Variants in PLEKHG7 observed in about 807,000 individuals in gnomAD.
PLEKHG7 encodes the protein pleckstrin homology and RhoGEF domain containing G7, also known as pleckstrin homology domain-containing family G member 7.
PLEKHG7 carries 77 observed loss-of-function variants against 85.2 expected under a neutral mutation model. The ratio of observed to expected loss-of-function variants is 0.90; its 90% CI spans 0.75 to 1.09. PLEKHG7 has a LOEUF of 1.09. Ranked by LOEUF, PLEKHG7 falls within the 50% of genes least tolerant of loss-of-function variation. The pLI is 0.00. For missense variants in PLEKHG7, 777 were observed against 804.3 expected (o/e 0.97, Z 0.41); for synonymous variants, 301 against 302.4 (o/e 1.00, Z 0.05).
rs772158446 is a variant in PLEKHG7, at chr12:92,707,668, T to A, written c.526T>A (p.Ser176Thr). Residue 176 changes from serine to threonine, a missense_variant, in exon 3 of 17, where the codon TCC becomes ACC. Ser to Thr is a moderately conservative substitution (Grantham distance 58). Coordinates refer to ENST00000344636, the MANE Select transcript of PLEKHG7 (RefSeq NM_001377329.1). ...PSPQGEELHP[S>T]RFYEHRRSSV... is the part of the protein sequence containing the mutation. The stretch of plus-strand genomic sequence containing the variant: ...ATTTCAGGGAGAAGAATTGCACCCA[T>A]CCAGGTGTGTATGCATTTATTTTCT... 3 of 1,613,960 alleles carry A rather than the reference T, an allele frequency of 1.9e-6. No individual in the cohort carries two copies. The highest frequency in any genetic ancestry group is 2.5e-6 in the Non-Finnish European group (3 of 1,179,898).
chr12:92,751,022 C>T (rs1039704931), intron 10 of PLEKHG7, among the ~76,000 whole-genome samples: 2 of 152,122 alleles, frequency 1.3e-5, no homozygotes, highest in Non-Finnish European at 2.9e-5. Flanking sequence ...AAAGTACATA[C>T]ATTCATAAAG....
At chr12:92,757,716 C>T (rs1296888534) in intron 13 of PLEKHG7, among the ~76,000 whole-genome samples, 8 of 152,068 alleles carry the variant, frequency 5.3e-5, no homozygotes, top group Admixed American at 3.9e-4. Flanking sequence ...GGTAAATGAC[C>T]GAGTACCAGC....
At chr12:92,741,410 A>C in intron 8 of PLEKHG7, 81 bp from the exon 9 acceptor site, 1 of 835,300 alleles carries the variant, frequency 1.2e-6, no homozygotes. Flanking sequence ...ACCTGTAAGA[A>C]TGATACTTGA....
At chr12:92,755,419 A>C (rs969201494) in intron 11 of PLEKHG7, among the ~76,000 whole-genome samples, 6 of 152,234 alleles carry the variant, frequency 3.9e-5, no homozygotes, top group African/African-American at 1.4e-4. Context: ...AATAATCACC[A>C]TGATCATGAA....
chr12:92,724,249 A>G (rs1487058168), intron 3 of PLEKHG7, among the ~76,000 whole-genome samples: 2 of 152,184 alleles, frequency 1.3e-5, no homozygotes, highest in Non-Finnish European at 2.9e-5. Flanking sequence ...TGTATGCAAT[A>G]TGATGAAGGT....
rs564022723 is a variant in PLEKHG7, at chr12:92,705,491, T to G, written c.-161-980T>G. On this transcript the variant is annotated intron_variant, in intron 1 of 16. Transcript: ENST00000344636. Reference sequence around the variant, plus strand: ...ATGTGGGCAAAGGGTTTCAGATTGCTGAGTTCTGCTTTAGAATGATAAACT... The same window carrying G: ...ATGTGGGCAAAGGGTTTCAGATTGCGGAGTTCTGCTTTAGAATGATAAACT... 2.8e-4 allele frequency among the ~76,000 whole-genome samples: 42 copies of G among 152,396 alleles called. 1 individual carries two copies. The South Asian group carries it at 7.7e-3, about 28-fold the overall frequency.
chr12:92,763,743 TAGG>T (rs1873103137), intron 14 of PLEKHG7, among the ~76,000 whole-genome samples: 1 of 152,034 alleles, frequency 6.6e-6, no homozygotes, highest in Non-Finnish European at 1.5e-5. Context: ...CACTTGAGTG[TAGG>T]AGGTTGACAC....
At chr12:92,709,598 A>T (rs913144930) in intron 3 of PLEKHG7, among the ~76,000 whole-genome samples, 1 of 152,256 alleles carries the variant, frequency 6.6e-6, no homozygotes, top group African/African-American at 2.4e-5. Context: ...GTCTGGGTCC[A>T]GCTCTGATTA....
chr12:92,710,864 G>A (rs1231431755), intron 3 of PLEKHG7, among the ~76,000 whole-genome samples: 3 of 152,152 alleles, frequency 2.0e-5, no homozygotes, highest in South Asian at 2.1e-4. Context: ...TCCACAGAAC[G>A]GGTCATCCTA....
At chr12:92,716,926 A>G (rs1007708574) in intron 3 of PLEKHG7, among the ~76,000 whole-genome samples, 1 of 152,220 alleles carries the variant, frequency 6.6e-6, no homozygotes, top group Non-Finnish European at 1.5e-5. Context: ...TTCTTGGATT[A>G]CCGTTCCACT....
chr12:92,707,552 C>A, intron 2 of PLEKHG7, 98 bp from the exon 3 acceptor site: 1 of 1,538,380 alleles, frequency 6.5e-7, no homozygotes, highest in Non-Finnish European at 8.8e-7. Context: ...CATGTTTTAA[C>A]TAGGAGGGCT....
chr12:92,715,187 G>A (rs7313241), intron 3 of PLEKHG7, among the ~76,000 whole-genome samples: 8,172 of 152,220 alleles, frequency 0.054, 741 homozygotes, highest in African/African-American at 0.18. Context: ...TCCAATGTTC[G>A]AGGGCAGGAA....
chr12:92,739,063 AAAC>A (rs1436701870), intron 7 of PLEKHG7, among the ~76,000 whole-genome samples: 3 of 152,148 alleles, frequency 2.0e-5, no homozygotes, highest in East Asian at 1.9e-4. Context: ...AAACAAAACA[AAAC>A]AACATTTCTT....
At chr12:92,706,450 G>T in intron 1 of PLEKHG7, 21 bp from the exon 2 acceptor site, 1 of 657,654 alleles carries the variant, frequency 1.5e-6, no homozygotes, top group Non-Finnish European at 2.4e-6. Context: ...ATATTTCACA[G>T]TCTGCTCTTC....
intron 13 of PLEKHG7, 92 bp from the exon 14 acceptor site, chr12:92,761,658 GAA>G (rs1177754027): frequency 7.7e-7 from 1 of 1,301,480 alleles, no homozygotes; most frequent in South Asian, 1.9e-5. Context: ...AAGAAAGAAA[GAA>G]AGAAAGAAAG....
chr12:92,735,052 C>G (rs1344343920), intron 5 of PLEKHG7, among the ~76,000 whole-genome samples: 1 of 152,206 alleles, frequency 6.6e-6, no homozygotes, highest in Non-Finnish European at 1.5e-5. Flanking sequence ...AGCCATTTGG[C>G]CAGGAGGCTG....
chr12:92,731,846 G>T lies in PLEKHG7; in HGVS notation c.659-387G>T, dbSNP rs562692387. Among the ~76,000 whole-genome samples the T allele has an allele frequency of 5.9e-5, 9 of 152,306 alleles. 1 individual carries two copies. The South Asian group carries it at 1.7e-3, about 28-fold the overall frequency. ...GTGATGGGGGCGTTCTGGAAAGATG[G>T]TGTGAAAATGAAGGGCCTGTCCTTT... On this transcript the variant is annotated intron_variant, in intron 4 of 16. Coordinates refer to ENST00000344636, the MANE Select transcript of PLEKHG7 (RefSeq NM_001377329.1).
At position 92,768,671 on chromosome 12, in the gene PLEKHG7, G is replaced by A. The variant is rs528313052; in HGVS notation, c.1871-312G>A. Among the ~76,000 whole-genome samples the A allele has an allele frequency of 2.0e-4, 31 of 151,990 alleles. No individual in the cohort carries two copies. The South Asian group carries it at 5.4e-3, about 27-fold the overall frequency. On this transcript the variant is annotated intron_variant, in intron 15 of 16. Coordinates refer to ENST00000344636, the MANE Select transcript of PLEKHG7 (RefSeq NM_001377329.1). ...ATTTTCATACACAAAAAAATCTACCGCATATGTTTAGCTTGTTCTACGAGC... is the reference window on the plus strand; with the variant it reads ...ATTTTCATACACAAAAAAATCTACCACATATGTTTAGCTTGTTCTACGAGC...
chr12:92,736,267 C>T (rs1350453122), intron 5 of PLEKHG7, among the ~76,000 whole-genome samples: 1 of 151,622 alleles, frequency 6.6e-6, no homozygotes, highest in East Asian at 1.9e-4. Context: ...ACAAGGTAGT[C>T]TCACGGGCCT....
Sources: gnomAD v4.1 joint callset for allele counts (sites outside exome capture counted in the v4.1 genomes callset) on GRCh38, gnomAD v4.1.1 for gene constraint, MANE v1.5 for transcripts, NCBI Gene and HGNC (gene_info 2026-07-23, HGNC 2026-07-21) for gene names.